The following CADPS2 variants were observed in gnomAD, a reference collection of about 807,000 sequenced individuals.
CADPS2 encodes the protein calcium-dependent secretion activator 2.
CADPS2 carries 93 observed loss-of-function variants against 172.5 expected under a neutral mutation model. The observed-to-expected ratio is 0.54, with a 90% CI of 0.46 to 0.64. CADPS2 has a LOEUF of 0.64. Among genes scored for constraint, CADPS2 ranks in the 30% least tolerant of loss-of-function variants. CADPS2 has a pLI of 0.00. For synonymous variants in CADPS2, 546 were observed against 555.2 expected (o/e 0.98, Z 0.23); for missense variants, 1,420 against 1,565.9 (o/e 0.91, Z 1.57).
intron 1 of CADPS2, among the ~76,000 whole-genome samples, chr7:122,827,641 A>AAG (rs1176662055): frequency 6.6e-6 from 1 of 151,864 alleles, no homozygotes; most frequent in East Asian, 1.9e-4. Context: ...TCAAAAAAAA[A>AAG]AAAGAAATGA....
intron 29 of CADPS2, among the ~76,000 whole-genome samples, chr7:122,325,101 A>G (rs373372031): frequency 2.0e-5 from 3 of 152,138 alleles, no homozygotes; most frequent in African/African-American, 7.2e-5. Flanking sequence ...TCTGGCAAAT[A>G]TAGTACAAAA....
Position 122,659,713 on chromosome 7 carries a change from T to C in CADPS2, c.786+3524A>G, listed in dbSNP as rs568495717. Among the ~76,000 whole-genome samples, 30 of 152,020 alleles carry C rather than the reference T, an allele frequency of 2.0e-4. No homozygotes were observed. The Middle Eastern group carries it at 0.01, about 52-fold the overall frequency. Reference sequence around the variant, plus strand: ...CACCCCTAGACACAGCATATTCGAATTGCAGAAAAATGAAAGAAGGAAAAA... The same window carrying C: ...CACCCCTAGACACAGCATATTCGAACTGCAGAAAAATGAAAGAAGGAAAAA... On this transcript the variant is annotated intron_variant, in intron 3 of 29. Transcript: ENST00000449022.
intron 2 of CADPS2, chr7:122,698,393 CG>C: frequency 1.2e-6 from 2 of 1,613,936 alleles, no homozygotes; most frequent in Non-Finnish European, 1.7e-6. Flanking sequence ...ACCTCAACCA[CG>C]GCTGTAATGA....
At chr7:122,389,480 C>T (rs187389239) in intron 22 of CADPS2, among the ~76,000 whole-genome samples, 10 of 151,896 alleles carry the variant, frequency 6.6e-5, no homozygotes, top group African/African-American at 2.2e-4. Flanking sequence ...AGTGCTATCA[C>T]CCCATGTATG....
At chr7:122,698,571 A>C in intron 2 of CADPS2, 1 of 1,614,028 alleles carries the variant, frequency 6.2e-7, no homozygotes, top group Non-Finnish European at 8.5e-7. Context: ...TTGCCACTTT[A>C]ATTTTCTGTG....
At chr7:122,760,492 T>C (rs10228314) in intron 1 of CADPS2, among the ~76,000 whole-genome samples, 1,874 of 152,208 alleles carry the variant, frequency 0.012, 41 homozygotes, top group African/African-American at 0.043. Flanking sequence ...AACTATTAAC[T>C]GAACTAGCGG....
intron 2 of CADPS2, among the ~76,000 whole-genome samples, chr7:122,722,804 A>G (rs1588747743): frequency 6.6e-6 from 1 of 151,716 alleles, no homozygotes; most frequent in Non-Finnish European, 1.5e-5. Context: ...AGTAACCAAA[A>G]CAGCATGGTA....
chr7:122,818,669 C>T (rs1195124032), intron 1 of CADPS2, among the ~76,000 whole-genome samples: 3 of 152,120 alleles, frequency 2.0e-5, no homozygotes, highest in Admixed American at 2.0e-4. Context: ...ATCTTTTTAT[C>T]ACCTCCCCTC....
At chr7:122,537,688 A>G (rs1479608263) in intron 8 of CADPS2, among the ~76,000 whole-genome samples, 1 of 151,928 alleles carries the variant, frequency 6.6e-6, no homozygotes. Context: ...TCCTAGGGAA[A>G]TAGAAGAAAG....
chr7:122,423,584 G>A (rs764391684), intron 17 of CADPS2, among the ~76,000 whole-genome samples: 1 of 152,102 alleles, frequency 6.6e-6, no homozygotes, highest in Non-Finnish European at 1.5e-5. Flanking sequence ...AGAAAATGAG[G>A]AATCATTGAC....
chr7:122,598,262 G>A (rs974204701), intron 6 of CADPS2, among the ~76,000 whole-genome samples: 1 of 151,678 alleles, frequency 6.6e-6, no homozygotes, highest in Non-Finnish European at 1.5e-5. Context: ...AATACCCTGG[G>A]TATTCACATA....
chr7:122,653,308 G>C (rs900053876), intron 3 of CADPS2, among the ~76,000 whole-genome samples: 2 of 152,190 alleles, frequency 1.3e-5, no homozygotes, highest in African/African-American at 2.4e-5. Flanking sequence ...GTTAGGAGAA[G>C]TCTCAAAGCT....
chr7:122,388,751 G>C lies in CADPS2; in HGVS notation c.3009-13C>G, dbSNP rs567997533. 10 of 1,585,452 alleles carry C rather than the reference G, an allele frequency of 6.3e-6. No homozygotes were observed. In the East Asian group the frequency reaches 1.8e-4, roughly 29 times the overall value. On this transcript the variant is annotated splice_polypyrimidine_tract_variant and intron_variant, in intron 22 of 29. Transcript: ENST00000449022. ...TGCTGAGCCATTGCTAGAAGAAAAA[G>C]GAAAAATGAACATCATGAACTCCCC... is the stretch of plus-strand genomic sequence containing the variant.
intron 8 of CADPS2, among the ~76,000 whole-genome samples, chr7:122,529,237 A>AG (rs1458517431): frequency 1.3e-5 from 2 of 152,036 alleles, no homozygotes; most frequent in African/African-American, 4.8e-5. Context: ...ACCCCAAAAA[A>AG]GCAACACTAA....
chr7:122,417,986 A>G (rs1021086057), intron 17 of CADPS2, among the ~76,000 whole-genome samples: 2 of 152,132 alleles, frequency 1.3e-5, no homozygotes, highest in African/African-American at 2.4e-5. Flanking sequence ...CCTGGCCAAC[A>G]TGGCGAAACC....
At chr7:122,500,445 ACT>A (rs1271846272) in intron 9 of CADPS2, among the ~76,000 whole-genome samples, 2 of 152,152 alleles carry the variant, frequency 1.3e-5, no homozygotes, top group African/African-American at 4.8e-5. Flanking sequence ...AGCACACATA[ACT>A]CAACTTGTAC....
chr7:122,359,682 C>T (rs766093194), intron 27 of CADPS2, among the ~76,000 whole-genome samples: 1 of 152,036 alleles, frequency 6.6e-6, no homozygotes. Flanking sequence ...CTTTGTGGGG[C>T]TCTACATATG....
chr7:122,688,598 A>T (rs1377694651), intron 2 of CADPS2, among the ~76,000 whole-genome samples: 1 of 152,210 alleles, frequency 6.6e-6, no homozygotes, highest in East Asian at 1.9e-4. Flanking sequence ...TCCCACACAC[A>T]GCTGTGCTGC....
chr7:122,613,955 C>T (rs2074599232), intron 6 of CADPS2, among the ~76,000 whole-genome samples: 1 of 151,708 alleles, frequency 6.6e-6, no homozygotes. Context: ...AAGTGGTCAG[C>T]CAGAAAATGT....
Sources: allele counts gnomAD v4.1 joint callset (sites outside exome capture counted in the v4.1 genomes callset), GRCh38; gene constraint gnomAD v4.1.1; transcripts MANE v1.5; gene names NCBI Gene and HGNC (gene_info 2026-07-23, HGNC 2026-07-21).